CACNA1I: variants seen among roughly 807,000 people sequenced by gnomAD.
The protein encoded by CACNA1I is voltage-dependent T-type calcium channel subunit alpha-1I.
Under a neutral mutation model 201.6 loss-of-function variants are expected in CACNA1I, and 74 were observed. That is an observed-to-expected ratio of 0.37 (90% CI 0.30 to 0.45). The LOEUF is 0.45. Ranked by LOEUF, CACNA1I falls within the 20% of genes least tolerant of loss-of-function variation. CACNA1I has a pLI of 1.00. For synonymous variants in CACNA1I, 1,431 were observed against 1,345.2 expected (o/e 1.06, Z -1.40); for missense variants, 2,346 against 3,138.1 (o/e 0.75, Z 6.03).
rs1933981553 is a variant in CACNA1I at position 39,629,161 on chromosome 22, C to A, written c.581-5404C>A. Among the ~76,000 whole-genome samples the A allele has an allele frequency of 6.6e-6, 1 of 152,158 alleles. No individual in the cohort carries two copies. Among genetic ancestry groups the A allele is most frequent in the Admixed American group, 6.5e-5 (1 of 15,286 alleles). The stretch of plus-strand genomic sequence containing the variant: ...CCCGCTGCCATCTGCCACCACCAAG[C>A]CCCTAGCTTTCAGTGCTGTCTAGAG... On this transcript the variant is annotated intron_variant, in intron 4 of 36. Coordinates refer to ENST00000402142, the MANE Select transcript of CACNA1I (RefSeq NM_021096.4). The surrounding 1 kb of genome is among the most constrained non-coding windows in gnomAD (Gnocchi z 4.8).
intron 4 of CACNA1I, among the ~76,000 whole-genome samples, chr22:39,623,925 G>A (rs1285907574): frequency 7.4e-6 from 1 of 135,372 alleles, no homozygotes; most frequent in Non-Finnish European, 1.6e-5. Flanking sequence ...TATGTGTGAC[G>A]TGTTTGTGTG....
intron 29 of CACNA1I, 36 bp downstream of exon 29, chr22:39,674,069 T>C: frequency 6.3e-7 from 1 of 1,594,958 alleles, no homozygotes; most frequent in African/African-American, 1.3e-5. Flanking sequence ...CTCCTAGGGG[T>C]CATTGGTGTC....
intron 10 of CACNA1I, among the ~76,000 whole-genome samples, chr22:39,655,668 G>T (rs1182894439): frequency 1.3e-5 from 2 of 151,760 alleles, no homozygotes; most frequent in Non-Finnish European, 2.9e-5. Flanking sequence ...GTCTCTATCT[G>T]TCTGTCTGTC....
chr22:39,658,875 T>C (rs1425662818), intron 11 of CACNA1I, 56 bp from the exon 12 acceptor site: 12 of 1,446,748 alleles, frequency 8.3e-6, no homozygotes, highest in Non-Finnish European at 1.0e-5. Context: ...CCTCTCCCCC[T>C]GGCCTCCTAC....
chr22:39,602,806 C>A (rs1601809991), intron 3 of CACNA1I, among the ~76,000 whole-genome samples: 3 of 152,192 alleles, frequency 2.0e-5, no homozygotes, highest in Middle Eastern at 3.4e-3. Flanking sequence ...TTTACCTTCA[C>A]AATCAGACCT....
chr22:39,647,967 C>T (rs1934541722), intron 9 of CACNA1I, 41 bp downstream of exon 9: 4 of 1,542,596 alleles, frequency 2.6e-6, no homozygotes, highest in African/African-American at 1.4e-5. Flanking sequence ...CCCCCAGCCC[C>T]AATACCACTT....
chr22:39,648,566 G>A lies in CACNA1I; in HGVS notation c.1567+640G>A, dbSNP rs1398082079. Among the ~76,000 whole-genome samples, 1 of 152,104 alleles carries A rather than the reference G, an allele frequency of 6.6e-6. No homozygotes were observed. Among genetic ancestry groups the A allele is most frequent in the Non-Finnish European group, 1.5e-5 (1 of 68,012 alleles). ...CTGACCCCTGGGTTCCTGGCTGCCC[G>A]CCCTGACTCCAGAGGTGTGAATGAG... On this transcript the variant is annotated intron_variant, in intron 9 of 36. Coordinates refer to ENST00000402142, the MANE Select transcript of CACNA1I (RefSeq NM_021096.4). This position sits in a 1 kb window ranked among gnomAD's most constrained non-coding sequence, Gnocchi z 5.4.
At chr22:39,618,594 G>A (rs1012520075) in intron 3 of CACNA1I, among the ~76,000 whole-genome samples, 15 of 152,110 alleles carry the variant, frequency 9.9e-5, no homozygotes, top group African/African-American at 2.7e-4. Context: ...CACAACAGTC[G>A]GACAGGTTTG....
In CACNA1I at chr22:39,634,735, C is replaced by T. The variant is rs781595323; in HGVS notation, c.740+11C>T. The T allele has an allele frequency of 1.2e-6, 2 of 1,610,030 alleles. No homozygotes were observed. The highest frequency in any genetic ancestry group is 1.1e-5 in the South Asian group (1 of 90,940). On this transcript the variant is annotated intron_variant, in intron 5 of 36. Coordinates refer to ENST00000402142, the MANE Select transcript of CACNA1I (RefSeq NM_021096.4). ...GGAGAACTTCACCATGTGAGTTCATCCCCTGCCACCCATGCAGCTCCGGGG... is the reference window on the plus strand; with the variant it reads ...GGAGAACTTCACCATGTGAGTTCATTCCCTGCCACCCATGCAGCTCCGGGG...
At chr22:39,578,841 T>C (rs1157495413) in intron 1 of CACNA1I, among the ~76,000 whole-genome samples, 1 of 152,210 alleles carries the variant, frequency 6.6e-6, no homozygotes, top group Non-Finnish European at 1.5e-5. Flanking sequence ...TGCTCTGTTT[T>C]GAAGCCCCAG....
rs1934563244 is a variant in CACNA1I, at chr22:39,648,727, A to G, written c.1568-774A>G. On this transcript the variant is annotated intron_variant, in intron 9 of 36. Transcript: ENST00000402142. The surrounding 1 kb of genome is among the most constrained non-coding windows in gnomAD (Gnocchi z 5.4). ...AGCAAAATGTGTTTATTCTAGGAATATATAGGAAAACACAAAGAAGGCATT... is the reference window on the plus strand; with the variant it reads ...AGCAAAATGTGTTTATTCTAGGAATGTATAGGAAAACACAAAGAAGGCATT... Among the ~76,000 whole-genome samples the G allele has an allele frequency of 2.6e-5, 4 of 152,152 alleles. No homozygotes were observed. The South Asian group carries it at 8.3e-4, about 32-fold the overall frequency.
At chr22:39,590,537 G>A (rs1932809098) in intron 1 of CACNA1I, among the ~76,000 whole-genome samples, 1 of 152,256 alleles carries the variant, frequency 6.6e-6, no homozygotes, top group Non-Finnish European at 1.5e-5. Flanking sequence ...GAGAGACGAT[G>A]TGGGTGGGGA....
chr22:39,647,019 A>G (rs1934514104), intron 8 of CACNA1I, 138 bp downstream of exon 8: 1 of 1,333,918 alleles, frequency 7.5e-7, no homozygotes, highest in South Asian at 1.6e-5. Context: ...CACAGCCCCC[A>G]GGGACCTCTG....
intron 1 of CACNA1I, among the ~76,000 whole-genome samples, chr22:39,591,306 T>C (rs574120797): frequency 6.7e-6 from 1 of 150,064 alleles, no homozygotes; most frequent in East Asian, 2.0e-4. Flanking sequence ...GGATTACAGA[T>C]GCCCGCCACC....
At position 39,686,294 on chromosome 22, in the gene CACNA1I, C is replaced by T. The variant is rs879016625; in HGVS notation, c.6561C>T (p.Asp2187=). The change falls in exon 37 of 37, where the codon GAC becomes GAT. Residue 2187 remains aspartate, a synonymous_variant. Coordinates refer to ENST00000402142, the MANE Select transcript of CACNA1I (RefSeq NM_021096.4). ...CGTGGGCCGCGGACCGCAGCAAGGA[C>T]CCCCCCGGCCGGGCACCGCTGCCCA... ...SPSWAADRSK[D]PPGRAPLPMG... 8 of 1,313,450 alleles carry T rather than the reference C, an allele frequency of 6.1e-6. No individual in the cohort carries two copies. The highest frequency in any genetic ancestry group is 3.3e-5 in the East Asian group (1 of 30,276). 81.4% of individuals were successfully genotyped at this position (1,313,450 alleles called of 1,614,324 possible).
intron 10 of CACNA1I, among the ~76,000 whole-genome samples, chr22:39,655,343 C>T (rs1934784462): frequency 6.6e-6 from 1 of 152,174 alleles, no homozygotes; most frequent in Non-Finnish European, 1.5e-5. Context: ...GTCACCCAAA[C>T]CCGCATCAGG....
intron 1 of CACNA1I, among the ~76,000 whole-genome samples, chr22:39,584,247 A>G (rs1932671757): frequency 6.6e-6 from 1 of 152,126 alleles, no homozygotes; most frequent in African/African-American, 2.4e-5. Flanking sequence ...TCTCCGAGAT[A>G]GATGTGGGGC....
chr22:39,662,942 C>A, intron 18 of CACNA1I, 66 bp downstream of exon 18: 4 of 1,081,168 alleles, frequency 3.7e-6, no homozygotes, highest in South Asian at 1.4e-5. Context: ...GGATCTCTGC[C>A]AAGCCAGGCA....
chr22:39,572,582 C>T (rs936278995), intron 1 of CACNA1I, among the ~76,000 whole-genome samples: 2 of 152,058 alleles, frequency 1.3e-5, no homozygotes, highest in Non-Finnish European at 2.9e-5. Context: ...CTAAGAGCCT[C>T]CCTGCTCCTT....
Sources: gnomAD v4.1 joint callset for allele counts (sites outside exome capture counted in the v4.1 genomes callset) on GRCh38, gnomAD v4.1.1 for gene constraint, Gnocchi (gnomAD v3.1) non-coding constraint, MANE v1.5 for transcripts, NCBI Gene and HGNC (gene_info 2026-07-23, HGNC 2026-07-21) for gene names.